NBAS: variants seen among roughly 807,000 people sequenced by gnomAD.
NBAS encodes the protein NAG/BC035112 fusion.
NBAS carries 219 observed loss-of-function variants against 302.5 expected under a neutral mutation model. That is an observed-to-expected ratio of 0.72 (90% CI 0.65 to 0.81). The LOEUF (loss-of-function observed/expected upper bound fraction) is 0.81. Ranked by LOEUF, NBAS falls within the 30% of genes least tolerant of loss-of-function variation. The pLI is 0.00. For synonymous variants in NBAS, 1,118 were observed against 1,021.6 expected, an observed-to-expected ratio of 1.09 and a Z score of -1.80; for missense variants, 2,932 against 2,841.6, an observed-to-expected ratio of 1.03 and a Z score of -0.72.
At chr2:15,498,925 GTTAC>G (rs951188505) in intron 11 of NBAS, among the ~76,000 whole-genome samples, 2 of 130,950 alleles carry the variant, frequency 1.5e-5, no homozygotes, top group Non-Finnish European at 3.2e-5. Flanking sequence ...GTCTCAGGGA[GTTAC>G]TTTTTTTTTT....
chr2:14,871,608 A>G, the NBAS span, among the ~76,000 whole-genome samples: 1 of 152,048 alleles, frequency 6.6e-6, no homozygotes, highest in Admixed American at 6.5e-5. Context: ...GGTTTATAAC[A>G]TGTGGAAGTA....
chr2:15,386,346 G>A (rs748712293), intron 28 of NBAS, among the ~76,000 whole-genome samples: 6 of 152,210 alleles, frequency 3.9e-5, no homozygotes, highest in Non-Finnish European at 8.8e-5. Context: ...ATATACAATA[G>A]TGTGTTTTTA....
intron 36 of NBAS, among the ~76,000 whole-genome samples, chr2:15,328,998 C>T (rs180973190): frequency 1.3e-5 from 2 of 152,162 alleles, no homozygotes; most frequent in African/African-American, 4.8e-5. Context: ...CTTTCATGAT[C>T]CCCATCTCTT....
the NBAS span, among the ~76,000 whole-genome samples, chr2:15,110,275 G>T: frequency 6.6e-6 from 1 of 152,112 alleles, no homozygotes; most frequent in African/African-American, 2.4e-5. Flanking sequence ...AGGTAGTTGT[G>T]AGATGCACAG....
At chr2:15,017,712 T>C in the NBAS span, among the ~76,000 whole-genome samples, 1 of 152,050 alleles carries the variant, frequency 6.6e-6, no homozygotes, top group Admixed American at 6.6e-5. Context: ...TGTAAGCTAG[T>C]ACAGCTACAA....
At chr2:15,111,694 A>C in the NBAS span, among the ~76,000 whole-genome samples, 13 of 151,960 alleles carry the variant, frequency 8.6e-5, no homozygotes, top group Non-Finnish European at 1.9e-4. Context: ...AATAGAACCC[A>C]GATTGAAAAC....
the NBAS span, among the ~76,000 whole-genome samples, chr2:15,044,322 G>A: frequency 1.3e-5 from 2 of 152,170 alleles, no homozygotes; most frequent in Admixed American, 6.5e-5. Flanking sequence ...AAGAATCAGC[G>A]ACAGCTGACT....
chr2:15,176,474 CACACACAT>C (rs1664544439), intron 51 of NBAS, among the ~76,000 whole-genome samples: 2 of 152,110 alleles, frequency 1.3e-5, no homozygotes, highest in Non-Finnish European at 1.5e-5. Flanking sequence ...CACACACACA[CACACACAT>C]ACACTCAAGA....
the NBAS span, among the ~76,000 whole-genome samples, chr2:15,003,315 T>C: frequency 6.6e-6 from 1 of 152,158 alleles, no homozygotes; most frequent in South Asian, 2.1e-4. Context: ...GTGAAGATGA[T>C]CTGGCAGTTG....
At chr2:15,381,814 T>G (rs536851730) in intron 29 of NBAS, among the ~76,000 whole-genome samples, 1 of 152,348 alleles carries the variant, frequency 6.6e-6, no homozygotes, top group African/African-American at 2.4e-5. Context: ...TTTAAAAACT[T>G]GAAATTCAAA....
intron 38 of NBAS, among the ~76,000 whole-genome samples, chr2:15,317,323 A>T (rs183553114): frequency 3.3e-5 from 5 of 152,322 alleles, no homozygotes; most frequent in Admixed American, 3.3e-4. Context: ...AAAATTCTAA[A>T]AACCAGAGCA....
chr2:14,814,116 A>G, the NBAS span, among the ~76,000 whole-genome samples: 1 of 152,248 alleles, frequency 6.6e-6, no homozygotes, highest in African/African-American at 2.4e-5. Flanking sequence ...GAAAATGCCT[A>G]GATGTCCAGG....
the NBAS span, among the ~76,000 whole-genome samples, chr2:15,103,147 A>T: frequency 6.6e-6 from 1 of 152,076 alleles, no homozygotes; most frequent in Non-Finnish European, 1.5e-5. Context: ...CTCATGTGTG[A>T]CTGTTCCAAT....
chr2:15,323,753 T>A (rs1280741878), intron 38 of NBAS, among the ~76,000 whole-genome samples: 4 of 151,862 alleles, frequency 2.6e-5, no homozygotes, highest in Non-Finnish European at 5.9e-5. Flanking sequence ...GAGGGTCACT[T>A]GTGCACAGGA....
At chr2:15,023,149 A>C in the NBAS span, among the ~76,000 whole-genome samples, 2 of 152,136 alleles carry the variant, frequency 1.3e-5, no homozygotes, top group Non-Finnish European at 2.9e-5. Context: ...AGTTTGATTT[A>C]TAAAAATGGA....
At chr2:15,289,665 G>A (rs1043503793) in intron 41 of NBAS, among the ~76,000 whole-genome samples, 3 of 152,146 alleles carry the variant, frequency 2.0e-5, no homozygotes, top group African/African-American at 7.2e-5. Context: ...AGATAGTAAA[G>A]GACAGGTACA....
the NBAS span, among the ~76,000 whole-genome samples, chr2:15,053,898 C>T: frequency 6.6e-6 from 1 of 150,942 alleles, no homozygotes; most frequent in African/African-American, 2.4e-5. Flanking sequence ...AGTCACACTT[C>T]AAATCCTAGC....
chr2:15,164,695 T>A (rs1367238700), downstream of NBAS, among the ~76,000 whole-genome samples: 1 of 152,176 alleles, frequency 6.6e-6, no homozygotes, highest in Non-Finnish European at 1.5e-5. Context: ...AGACAACATA[T>A]CATCTTACTC....
At chr2:14,983,940 G>A in the NBAS span, among the ~76,000 whole-genome samples, 8 of 152,132 alleles carry the variant, frequency 5.3e-5, no homozygotes, top group South Asian at 2.1e-4. Context: ...GTCAGAATCC[G>A]CGATTCATTG....
Sources: allele counts gnomAD v4.1 joint callset (sites outside exome capture counted in the v4.1 genomes callset), GRCh38; gene constraint gnomAD v4.1.1; transcripts MANE v1.5; gene names NCBI Gene and HGNC (gene_info 2026-07-23, HGNC 2026-07-21).